The following GNAQ variants were observed in gnomAD, a reference collection of about 807,000 sequenced individuals.
GNAQ encodes G protein subunit alpha q.
A neutral mutation model predicts 43.9 loss-of-function variants in GNAQ; 8 were observed. That is an observed-to-expected ratio of 0.18 (90% CI 0.11 to 0.33). The LOEUF is 0.33. Among genes scored for constraint, GNAQ ranks in the 10% least tolerant of loss-of-function variants. GNAQ has a pLI of 1.00. For missense variants in GNAQ, 158 were observed against 450.8 expected, an observed-to-expected ratio of 0.35 and a Z score of 5.88; for synonymous variants, 155 against 170.7, an observed-to-expected ratio of 0.91 and a Z score of 0.71.
chr9:77,933,599 T>G (rs138934654), intron 1 of GNAQ, among the ~76,000 whole-genome samples: 1 of 151,738 alleles, frequency 6.6e-6, no homozygotes, highest in East Asian at 1.9e-4. Context: ...GACCTGAGAT[T>G]GTACCACTGC....
intron 2 of GNAQ, among the ~76,000 whole-genome samples, chr9:77,887,119 C>T (rs1436637781): frequency 6.6e-6 from 1 of 151,738 alleles, no homozygotes; most frequent in Non-Finnish European, 1.5e-5. Context: ...GAGACTCTGT[C>T]TCTAAAATAA....
intron 2 of GNAQ, among the ~76,000 whole-genome samples, chr9:77,835,553 T>C (rs1455857380): frequency 6.6e-6 from 1 of 152,152 alleles, no homozygotes; most frequent in African/African-American, 2.4e-5. Flanking sequence ...TAAAATCATA[T>C]ATAGTAAAGA....
chr9:77,800,929 T>C (rs527626059), intron 3 of GNAQ, among the ~76,000 whole-genome samples: 3 of 152,210 alleles, frequency 2.0e-5, no homozygotes, highest in African/African-American at 7.2e-5. Flanking sequence ...AAATTTCCAC[T>C]GGCAAGGCTG....
chr9:78,011,753 G>A lies in GNAQ; in HGVS notation c.136+19347C>T, dbSNP rs112353820. 5.9e-3 allele frequency among the ~76,000 whole-genome samples: 901 copies of A among 152,162 alleles called. 3 individuals are homozygous for A. Among genetic ancestry groups the A allele is most frequent in the African/African-American group, 0.02 (851 of 41,518 alleles). On this transcript the variant is annotated intron_variant, in intron 1 of 6. Transcript: ENST00000286548. ...AATCAGCATTGCAGACAAGAGATTT[G>A]GGCAAACCACACAAATAATGGAGAG...
chr9:77,912,686 T>C (rs1280218105), intron 2 of GNAQ, among the ~76,000 whole-genome samples: 1 of 151,886 alleles, frequency 6.6e-6, no homozygotes, highest in Non-Finnish European at 1.5e-5. Flanking sequence ...TACAAAACAA[T>C]GAGAAATCAG....
rs1826839798 is a variant in GNAQ, at chr9:77,806,983, T to C, written c.476+8633A>G. Among the ~76,000 whole-genome samples, 4 of 152,318 alleles carry C rather than the reference T, an allele frequency of 2.6e-5. No homozygotes were observed. In the South Asian group the frequency reaches 6.2e-4, roughly 24 times the overall value. On this transcript the variant is annotated intron_variant, in intron 3 of 6. Coordinates refer to ENST00000286548, the MANE Select transcript of GNAQ (RefSeq NM_002072.5). ...CATACTGATTTAAGTGGGTCTCCCATGGTCATGTCAGTTATGTCACCTTAA... is the reference window on the plus strand; with the variant it reads ...CATACTGATTTAAGTGGGTCTCCCACGGTCATGTCAGTTATGTCACCTTAA...
chr9:77,843,606 A>G (rs752948342), intron 2 of GNAQ, among the ~76,000 whole-genome samples: 3 of 152,202 alleles, frequency 2.0e-5, no homozygotes, highest in Admixed American at 6.5e-5. Context: ...GTAGTTTGGC[A>G]TATTTGCCCT....
chr9:77,879,920 C>T (rs1292626076), intron 2 of GNAQ, among the ~76,000 whole-genome samples: 2 of 152,162 alleles, frequency 1.3e-5, no homozygotes, highest in Non-Finnish European at 2.9e-5. Flanking sequence ...TTTACAGCCC[C>T]TGTCTGGTTT....
At chr9:77,807,125 CATT>C (rs1826841525) in intron 3 of GNAQ, among the ~76,000 whole-genome samples, 1 of 152,112 alleles carries the variant, frequency 6.6e-6, no homozygotes, top group African/African-American at 2.4e-5. Context: ...AAATTCAATT[CATT>C]ATTTTCAACT....
At position 77,854,346 on chromosome 9, in the gene GNAQ, G is replaced by T. The variant is rs549315869; in HGVS notation, c.322-38576C>A. ...CCCTACTTACTGTTTAGGAATTATA[G>T]GTCACATCAATTTCAAAATCAAAAT... On this transcript the variant is annotated intron_variant, in intron 2 of 6. Transcript: ENST00000286548. Among the ~76,000 whole-genome samples the T allele has an allele frequency of 2.6e-5, 4 of 152,228 alleles. No individual in the cohort carries two copies. In the South Asian group the frequency reaches 8.3e-4, roughly 32 times the overall value.
chr9:77,800,621 T>G (rs1826728784), intron 3 of GNAQ, among the ~76,000 whole-genome samples: 1 of 152,008 alleles, frequency 6.6e-6, no homozygotes. Flanking sequence ...AGATGACGAG[T>G]TAGTGGGTGC....
intron 2 of GNAQ, among the ~76,000 whole-genome samples, chr9:77,865,152 C>T (rs1827927494): frequency 6.6e-6 from 1 of 152,054 alleles, no homozygotes. Context: ...TAACAAACAG[C>T]TCACTCCGCT....
chr9:78,023,369 T>A (rs912061981), intron 1 of GNAQ, among the ~76,000 whole-genome samples: 33 of 152,140 alleles, frequency 2.2e-4, no homozygotes, highest in African/African-American at 7.5e-4. Context: ...GTTCTCTAAA[T>A]CGTATGCAAA....
chr9:77,919,307 C>G (rs919186819), intron 2 of GNAQ, among the ~76,000 whole-genome samples: 3 of 152,076 alleles, frequency 2.0e-5, no homozygotes, highest in African/African-American at 7.2e-5. Flanking sequence ...AGAATGAATG[C>G]AAAGATGGAA....
intron 2 of GNAQ, among the ~76,000 whole-genome samples, chr9:77,915,210 TAAG>T (rs1421162688): frequency 1.3e-5 from 2 of 152,228 alleles, no homozygotes; most frequent in African/African-American, 2.4e-5. Context: ...CACAGCCAGA[TAAG>T]GAGATTTCTG....
intron 5 of GNAQ, among the ~76,000 whole-genome samples, chr9:77,774,530 T>C (rs1037984933): frequency 6.6e-5 from 10 of 152,254 alleles, no homozygotes; most frequent in Non-Finnish European, 1.2e-4. Context: ...GGCACAATCA[T>C]AGCTCACTGC....
intron 2 of GNAQ, among the ~76,000 whole-genome samples, chr9:77,842,855 T>G (rs534296842): frequency 6.6e-6 from 1 of 152,302 alleles, no homozygotes; most frequent in South Asian, 2.1e-4. Flanking sequence ...GAATTCTAGA[T>G]ACAATCTCAA....
chr9:77,742,242 G>GA (rs1379027980), intron 5 of GNAQ, among the ~76,000 whole-genome samples: 3 of 152,028 alleles, frequency 2.0e-5, no homozygotes, highest in Non-Finnish European at 2.9e-5. Flanking sequence ...CAAGCTTTGA[G>GA]AAAAAAATGG....
intron 1 of GNAQ, among the ~76,000 whole-genome samples, chr9:77,990,697 C>T (rs1370291750): frequency 6.6e-6 from 1 of 152,172 alleles, no homozygotes; most frequent in African/African-American, 2.4e-5. Context: ...TTATCAGAGA[C>T]AATAGCGTAA....
Sources: allele counts gnomAD v4.1 joint callset (sites outside exome capture counted in the v4.1 genomes callset), GRCh38; gene constraint gnomAD v4.1.1; transcripts MANE v1.5; gene names NCBI Gene and HGNC (gene_info 2026-07-23, HGNC 2026-07-21).